Variants in DAZL observed in about 807,000 individuals in gnomAD.
The protein encoded by DAZL is deleted in azoospermia like.
DAZL carries 4 observed loss-of-function variants against 45.0 expected under a neutral mutation model. The observed-to-expected ratio is 0.09, with a 90% CI of 0.04 to 0.20. The LOEUF is 0.20. DAZL is among the 10% of genes least tolerant of loss of function. The probability of loss-of-function intolerance (pLI) is 1.00; values close to 1 mark genes in which losing one functional copy is unlikely to be tolerated. For synonymous variants in DAZL, 122 were observed against 112.4 expected (o/e 1.09, Z -0.54); for missense variants, 326 against 351.3 (o/e 0.93, Z 0.58).
intron 9 of DAZL, among the ~76,000 whole-genome samples, chr3:16,593,194 A>C (rs1258145237): frequency 2.6e-5 from 4 of 152,332 alleles, no homozygotes; most frequent in African/African-American, 9.6e-5. Context: ...AATCCTATTA[A>C]TATAGTATTT....
intron 6 of DAZL, among the ~76,000 whole-genome samples, 196 bp downstream of exon 6, chr3:16,596,554 T>C (rs1420517244): frequency 1.3e-5 from 2 of 151,896 alleles, no homozygotes; most frequent in African/African-American, 4.8e-5. Flanking sequence ...AAAGACAAAG[T>C]ATACAGAAGA....
At chr3:16,598,332 C>G in intron 2 of DAZL, 120 bp downstream of exon 2, 1 of 1,467,118 alleles carries the variant, frequency 6.8e-7, no homozygotes. Flanking sequence ...ACCTATGGGT[C>G]AAATGTAAAA....
chr3:16,597,062 A>G lies in DAZL; in HGVS notation c.295-11T>C, dbSNP rs370849422. The G allele has an allele frequency of 1.9e-6, 3 of 1,609,952 alleles. No individual in the cohort carries two copies. The African/African-American group carries it at 4.0e-5, about 22-fold the overall frequency. ...GAAATTTATCTGTGACTGAAAATAA[A>G]ACAGTAACAAAACTAGAATCAATTT... On this transcript the variant is annotated splice_polypyrimidine_tract_variant and intron_variant, in intron 4 of 10. Transcript: ENST00000399444.
intron 9 of DAZL, among the ~76,000 whole-genome samples, chr3:16,592,823 A>T (rs962190921): frequency 6.6e-6 from 1 of 152,196 alleles, no homozygotes; most frequent in Non-Finnish European, 1.5e-5. Flanking sequence ...AAATCAAGGA[A>T]TTTACACTCC....
Position 16,605,260 on chromosome 3 carries a change from T to C in DAZL, c.-55A>G, listed in dbSNP as rs1694761691. ...CTCCAGGAGGAGCAGAGGCTGTGCTTGGCGCACCACTTCTGGGGCTGCTGT... is the reference window on the plus strand; with the variant it reads ...CTCCAGGAGGAGCAGAGGCTGTGCTCGGCGCACCACTTCTGGGGCTGCTGT... On this transcript the variant is annotated 5_prime_UTR_variant, in exon 1 of 11. Transcript: ENST00000399444. 2 of 1,612,248 alleles carry C rather than the reference T, an allele frequency of 1.2e-6. No individual in the cohort carries two copies. The highest frequency in any genetic ancestry group is 1.1e-5 in the South Asian group (1 of 91,026).
At chr3:16,597,988 G>A (rs1694626102) in intron 3 of DAZL, 99 bp downstream of exon 3, 1 of 1,228,906 alleles carries the variant, frequency 8.1e-7, no homozygotes, top group African/African-American at 1.5e-5. Flanking sequence ...AATTAACACA[G>A]CAACAAATTT....
rs200210483 is a variant in DAZL, at chr3:16,596,796, T to C, written c.452A>G (p.Tyr151Cys). The change falls in exon 6 of 11, where the codon TAT becomes TGT. Residue 151 changes from tyrosine (Y) to cysteine (C), a missense_variant. Around this residue, in one of 3 missense-constraint regions of DAZL, gnomAD observed 227 missense variants for 216.6 expected, o/e 1.05. Transcript: ENST00000399444. ...NVWTNPNTET[Y>C]MQPTTTMNPI... ...ATTCATCGTGGTTGTGGGCTGCATA[T>C]AAGTTTCAGTGTTTGGATTAGTCCA... is the stretch of plus-strand genomic sequence containing the variant. 64 of 1,613,746 alleles carry C rather than the reference T, an allele frequency of 4.0e-5. No homozygotes were observed. The highest frequency in any genetic ancestry group is 4.2e-6 in the Non-Finnish European group (5 of 1,179,760).
intron 6 of DAZL, 47 bp downstream of exon 6, chr3:16,596,703 C>T (rs200071252): frequency 8.1e-6 from 13 of 1,599,236 alleles, no homozygotes; most frequent in South Asian, 3.3e-5. Flanking sequence ...ACAGAAGGTA[C>T]GATGACTACA....
At position 16,598,105 on chromosome 3, in the gene DAZL, C is replaced by T. The variant is rs572265820; in HGVS notation, c.224G>A (p.Arg75Gln). 1.6e-5 allele frequency: 26 copies of T among 1,595,650 alleles called. No homozygotes were observed. Among genetic ancestry groups the T allele is most frequent in the East Asian group, 1.4e-4 (6 of 44,438 alleles). The change falls in exon 3 of 11, where the codon CGA becomes CAA. Residue 75 changes from arginine to glutamine, a missense_variant. Physicochemically the swap from Arg to Gln is conservative, Grantham distance 43. Around this residue, in one of 3 missense-constraint regions of DAZL, gnomAD observed 81 missense variants for 89.6 expected, o/e 0.90. Coordinates refer to ENST00000399444, the MANE Select transcript of DAZL (RefSeq NM_001351.4). ...TACTCACCCTTTGGACACACCAGTT[C>T]GATCAGTGATTATCTTCACTTCTTT... ...SVKEVKIITD[R>Q]TGVSKGYGFV...
intron 7 of DAZL, among the ~76,000 whole-genome samples, chr3:16,594,965 T>C (rs1210691553): frequency 1.3e-5 from 2 of 152,078 alleles, no homozygotes; most frequent in South Asian, 2.1e-4. Context: ...GCTCTAAGAA[T>C]TGGATAATTT....
In DAZL at chr3:16,596,086, A is replaced by G. The variant is rs117341123; in HGVS notation, c.498+664T>C. Reference sequence around the variant, plus strand: ...CATTTCAAGTACATGGAAAATGTCAATGAATGAAAGACACTGAAGAACTAT... The same window carrying G: ...CATTTCAAGTACATGGAAAATGTCAGTGAATGAAAGACACTGAAGAACTAT... On this transcript the variant is annotated intron_variant, in intron 6 of 10. Transcript: ENST00000399444. Among the ~76,000 whole-genome samples the G allele has an allele frequency of 6.0e-4, 91 of 152,172 alleles. 4 individuals are homozygous for G. The East Asian group carries it at 0.015, about 26-fold the overall frequency.
chr3:16,598,814 G>A (rs913405854), intron 1 of DAZL, among the ~76,000 whole-genome samples: 4 of 143,294 alleles, frequency 2.8e-5, no homozygotes, highest in Non-Finnish European at 6.0e-5. Context: ...AGAGAGTCTC[G>A]CCCTTGTCAC....
In DAZL at chr3:16,600,746, TAAAC is replaced by T. The variant is rs367873210; in HGVS notation, c.4-2152_4-2149del. ...GAACTTTGGATATGTTTTTCTTTGATAAACAAGCTATATATACAGTATTGTCTCT... is the reference window on the plus strand; with the variant it reads ...GAACTTTGGATATGTTTTTCTTTGATAAGCTATATATACAGTATTGTCTCT... On this transcript the variant is annotated intron_variant, in intron 1 of 10. Transcript: ENST00000399444. Among the ~76,000 whole-genome samples, 1,341 of 152,334 alleles carry T rather than the reference TAAAC, an allele frequency of 8.8e-3. 23 individuals carry two copies. Among genetic ancestry groups the T allele is most frequent in the African/African-American group, 0.031 (1,277 of 41,580 alleles).
chr3:16,594,489 A>T (rs1694567162), intron 8 of DAZL, 44 bp downstream of exon 8: 1 of 1,414,370 alleles, frequency 7.1e-7, no homozygotes, highest in Non-Finnish European at 9.7e-7. Flanking sequence ...AAAAAAAAAT[A>T]CTTTAAAATA....
chr3:16,588,857 G>C (rs560697958), intron 10 of DAZL, 144 bp from the exon 11 acceptor site: 11 of 673,962 alleles, frequency 1.6e-5, no homozygotes, highest in African/African-American at 1.6e-4. Context: ...TTTTTGAGAA[G>C]CATTCTTGAA....
At chr3:16,605,025 G>T (rs113931403) in intron 1 of DAZL, among the ~76,000 whole-genome samples, 178 bp downstream of exon 1, 1 of 152,186 alleles carries the variant, frequency 6.6e-6, no homozygotes, top group Non-Finnish European at 1.5e-5. Context: ...TGTGTAGGCC[G>T]CGCCACTGCC....
chr3:16,589,419 G>A (rs545717546), intron 10 of DAZL, among the ~76,000 whole-genome samples: 1 of 152,190 alleles, frequency 6.6e-6, no homozygotes, highest in East Asian at 1.9e-4. Flanking sequence ...ATAAATAAAA[G>A]TGGCTTCTGG....
In DAZL at chr3:16,605,355, C is replaced by G. The variant is rs565976948; in HGVS notation, c.-150G>C. The G allele has an allele frequency of 2.0e-6, 2 of 977,204 alleles. No individual in the cohort carries two copies. Among genetic ancestry groups the G allele is most frequent in the African/African-American group, 1.6e-5 (1 of 62,312 alleles). 60.5% of individuals were successfully genotyped at this position (977,204 alleles called of 1,614,324 possible). ...GCCAAAGATGAAGAGAAAAGGAAAA[C>G]CAAGAGCGGGTGACAAGGCTGAGGA... On this transcript the variant is annotated 5_prime_UTR_variant, in exon 1 of 11. Coordinates refer to ENST00000399444, the MANE Select transcript of DAZL (RefSeq NM_001351.4).
Position 16,596,872 on chromosome 3 carries a change from G to A in DAZL, c.376C>T (p.Pro126Ser). ...GGATGATTAAAAACCAAAGGACGTG[G>A]CTGCACATGATAAGCACCTTTTTGA... The part of the protein sequence containing the change: ...KQNLCAYHVQ[P>S]RPLVFNHPPP... Residue 126 changes from proline to serine, a missense_variant, in exon 6 of 11, where the codon CCA becomes TCA. Physicochemically the swap from Pro to Ser is moderately conservative, Grantham distance 74. Transcript: ENST00000399444. 6.2e-7 allele frequency: 1 copy of A among 1,613,810 alleles called. No individual in the cohort carries two copies. The highest frequency in any genetic ancestry group is 8.5e-7 in the Non-Finnish European group (1 of 1,179,776).
Sources: gnomAD v4.1 joint callset for allele counts (sites outside exome capture counted in the v4.1 genomes callset) on GRCh38, gnomAD v4.1.1 for gene constraint, gnomAD v4.1.1 regional missense constraint, MANE v1.5 for transcripts, NCBI Gene and HGNC (gene_info 2026-07-23, HGNC 2026-07-21) for gene names.